The following AIFM1 variants were observed in gnomAD, a reference collection of about 807,000 sequenced individuals.
AIFM1 encodes apoptosis-inducing factor 1, mitochondrial.
Under a neutral mutation model 51.7 loss-of-function variants are expected in AIFM1, and 3 were observed. That is an observed-to-expected ratio of 0.06 (90% confidence interval 0.03 to 0.15). The LOEUF is 0.15. Ranked by LOEUF, AIFM1 falls within the 10% of genes least tolerant of loss-of-function variation. The probability of loss-of-function intolerance (pLI) is 1.00; values close to 1 mark genes in which losing one functional copy is unlikely to be tolerated. For synonymous variants in AIFM1, 178 were observed against 179.4 expected, an observed-to-expected ratio of 0.99 and a Z score of 0.06; for missense variants, 330 against 476.8, an observed-to-expected ratio of 0.69 and a Z score of 2.87.
chrX:130,153,788 C>G (rs1376916867), intron 2 of AIFM1, among the ~76,000 whole-genome samples: 1 of 111,647 alleles, frequency 9.0e-6, no homozygotes, highest in Non-Finnish European at 1.9e-5. Context: ...GAAGAGAGCC[C>G]TCACCAGAAA....
intron 12 of AIFM1, among the ~76,000 whole-genome samples, chrX:130,135,439 T>TTAAA (rs33994471): frequency 0.011 from 798 of 72,946 alleles, 10 homozygotes; most frequent in African/African-American, 0.045. Context: ...TTTTTTTTTT[T>TTAAA]AAAAAAAAAA....
intron 6 of AIFM1, among the ~76,000 whole-genome samples, chrX:130,144,796 G>A (rs2030695807): frequency 1.8e-5 from 2 of 112,024 alleles, no homozygotes; most frequent in South Asian, 7.3e-4. Context: ...TACACATAGG[G>A]GACACTAAAT....
In AIFM1 at chrX:130,136,006, G is replaced by A. The variant is rs113411225; in HGVS notation, c.1305+39C>T. 128 of 1,207,610 alleles carry A rather than the reference G, an allele frequency of 1.1e-4. No individual in the cohort carries two copies. The African/African-American group carries it at 1.3e-3, about 13-fold the overall frequency. On this transcript the variant is annotated intron_variant, in intron 12 of 15. Transcript: ENST00000287295. ...CGGGCAGACTTGTTCACAGGCTAGG[G>A]AGAATGAATTATGCCTGGTCATGCT...
chrX:130,146,280 A>C (rs1393719326), intron 5 of AIFM1, among the ~76,000 whole-genome samples: 5 of 109,541 alleles, frequency 4.6e-5, no homozygotes, highest in African/African-American at 1.7e-4. Context: ...TCTAGAAAAA[A>C]ATTTTTTTAA....
chrX:130,137,294 G>A (rs1451194980), intron 9 of AIFM1, 109 bp from the exon 10 acceptor site: 1 of 1,194,008 alleles, frequency 8.4e-7, no homozygotes, highest in African/African-American at 1.8e-5. Context: ...ACAGGGCAGA[G>A]CTGCAATCCA....
At position 130,136,360 on chromosome X, in the gene AIFM1, T is replaced by C. The variant is rs140968531; in HGVS notation, c.1165-175A>G. Among the ~76,000 whole-genome samples, 29 of 112,238 alleles carry C rather than the reference T, an allele frequency of 2.6e-4. No homozygotes were observed. In the East Asian group the frequency reaches 5.1e-3, roughly 20 times the overall value. Reference sequence around the variant, plus strand: ...CATAAGCCTCCACCACCCCATCCCATGCACATCCCCCATGTCATTCGAACA... The same window carrying C: ...CATAAGCCTCCACCACCCCATCCCACGCACATCCCCCATGTCATTCGAACA... On this transcript the variant is annotated intron_variant, in intron 11 of 15. Coordinates refer to ENST00000287295, the MANE Select transcript of AIFM1 (RefSeq NM_004208.4).
intron 13 of AIFM1, among the ~76,000 whole-genome samples, chrX:130,132,628 T>G (rs1156856286): frequency 1.8e-5 from 2 of 112,695 alleles, no homozygotes; most frequent in Non-Finnish European, 3.8e-5. Context: ...GTCTCGAACT[T>G]CTGGGCTCAA....
intron 12 of AIFM1, among the ~76,000 whole-genome samples, chrX:130,133,695 C>A (rs907197051): frequency 9.1e-5 from 10 of 109,555 alleles, no homozygotes; most frequent in Non-Finnish European, 1.9e-4. Context: ...GTGGTGCGAT[C>A]ATGGCTCACC....
intron 2 of AIFM1, among the ~76,000 whole-genome samples, chrX:130,150,570 C>G (rs1252282804): frequency 9.5e-6 from 1 of 105,286 alleles, no homozygotes; most frequent in Non-Finnish European, 2.0e-5. Context: ...CTCCTGACCT[C>G]GTGATCTGCC....
chrX:130,153,389 C>A (rs1308712809), intron 2 of AIFM1, among the ~76,000 whole-genome samples: 6 of 107,109 alleles, frequency 5.6e-5, no homozygotes, highest in East Asian at 2.9e-4. Flanking sequence ...GCAGTTTACT[C>A]CCTTTTTTTG....
Position 130,147,564 on chromosome X carries a change from T to C in AIFM1, c.534A>G (p.Glu178=). The change falls in exon 5 of 16, where the codon GAA becomes GAG. Residue 178 remains glutamate (E), a synonymous_variant. Coordinates refer to ENST00000287295, the MANE Select transcript of AIFM1 (RefSeq NM_004208.4). ...LPYMRPPLSK[E]LWFSDDPNVT... ...CATTTGGGTCATCTGAAAACCACAGTTCTTTTGAAAGAGGAGGTCGCATGT... is the reference window on the plus strand; with the variant it reads ...CATTTGGGTCATCTGAAAACCACAGCTCTTTTGAAAGAGGAGGTCGCATGT... 8.2e-7 allele frequency: 1 copy of C among 1,212,288 alleles called. No individual in the cohort carries two copies. The highest frequency in any genetic ancestry group is 1.1e-6 in the Non-Finnish European group (1 of 895,600).
chrX:130,151,574 T>C lies in AIFM1; in HGVS notation c.250-2006A>G, dbSNP rs746547647. 4.5e-5 allele frequency among the ~76,000 whole-genome samples: 5 copies of C among 112,180 alleles called. No individual in the cohort carries two copies. In the South Asian group the frequency reaches 1.8e-3, roughly 41 times the overall value. ...GCATTTAACGTTGTGACAAATGAAG[T>C]AGAAAGTTAAGTACTGTATGGGAAA... On this transcript the variant is annotated intron_variant, in intron 2 of 15. Coordinates refer to ENST00000287295, the MANE Select transcript of AIFM1 (RefSeq NM_004208.4).
chrX:130,147,533 T>C lies in AIFM1; in HGVS notation c.565A>G (p.Lys189Glu). Residue 189 changes from lysine (K) to glutamate (E), a missense_variant, in exon 5 of 16, where the codon AAG (lysine) becomes GAG (glutamate). By Grantham distance (56) the Lys-to-Glu change is moderately conservative. This residue lies in a region of AIFM1 where 152 missense variants were observed against 292.8 expected (regional missense o/e 0.52). Coordinates refer to ENST00000287295, the MANE Select transcript of AIFM1 (RefSeq NM_004208.4). ...LWFSDDPNVT[K>E]TLRFKQWNGK... is the part of the protein sequence containing the mutation. ...TTCCACTGTTTGAATCGCAGTGTCT[T>C]TGTGACATTTGGGTCATCTGAAAAC... is the stretch of plus-strand genomic sequence containing the variant. 1.7e-6 allele frequency: 2 copies of C among 1,212,120 alleles called. No homozygotes were observed. The highest frequency in any genetic ancestry group is 2.2e-6 in the Non-Finnish European group (2 of 895,603).
intron 5 of AIFM1, among the ~76,000 whole-genome samples, chrX:130,146,872 G>C (rs1414073352): frequency 8.9e-6 from 1 of 112,272 alleles, no homozygotes; most frequent in Non-Finnish European, 1.9e-5. Flanking sequence ...CAAGTATAAA[G>C]AAGTGATGGC....
intron 5 of AIFM1, among the ~76,000 whole-genome samples, chrX:130,146,451 ATGTGTGTGTGTGTGTGTGTG>A (rs60694841): frequency 1.1e-5 from 1 of 89,434 alleles, no homozygotes; most frequent in Admixed American, 1.3e-4. Context: ...CTCTCAAAAT[ATGTGTGTGTGTGTGTGTGTG>A]TGTGTGTGTG....
At chrX:130,140,468 A>C in intron 7 of AIFM1, 65 bp downstream of exon 7, 7 of 942,844 alleles carry the variant, frequency 7.4e-6, no homozygotes, top group Non-Finnish European at 9.2e-6. Context: ...TTCCATAGAG[A>C]AGGCTGGACT....
chrX:130,165,524 G>A, intron 1 of AIFM1, 27 bp downstream of exon 1: 1 of 1,151,657 alleles, frequency 8.7e-7, no homozygotes, highest in African/African-American at 1.8e-5. Flanking sequence ...CCTCGGACTT[G>A]GAGGTTGCCT....
chrX:130,146,891 G>C (rs981637761), intron 5 of AIFM1, among the ~76,000 whole-genome samples: 2 of 112,544 alleles, frequency 1.8e-5, no homozygotes, highest in Non-Finnish European at 3.7e-5. Flanking sequence ...GCTGGGGGCA[G>C]TGGCTCACGC....
At chrX:130,133,555 G>GAAAACATGAAT in intron 12 of AIFM1, 100 bp from the exon 13 acceptor site, 1 of 1,003,100 alleles carries the variant, frequency 1.0e-6, no homozygotes, top group East Asian at 3.1e-5. Flanking sequence ...ACTTGTAATG[G>GAAAACATGAAT]TAACTAATTC....
Sources: allele counts gnomAD v4.1 joint callset (sites outside exome capture counted in the v4.1 genomes callset), GRCh38; gene constraint gnomAD v4.1.1; regional missense constraint gnomAD v4.1.1; transcripts MANE v1.5; gene names NCBI Gene and HGNC (gene_info 2026-07-23, HGNC 2026-07-21).